Variants in PTPRN2 observed in about 807,000 individuals in gnomAD.
PTPRN2 encodes receptor-type tyrosine-protein phosphatase N2.
PTPRN2 carries 74 observed loss-of-function variants against 118.8 expected under a neutral mutation model. That is an observed-to-expected ratio of 0.62 (90% confidence interval 0.52 to 0.76). The LOEUF is 0.76. Among genes scored for constraint, PTPRN2 ranks in the 30% least tolerant of loss-of-function variants. PTPRN2 has a pLI of 0.00. For missense variants in PTPRN2, 1,481 were observed against 1,394.4 expected, an observed-to-expected ratio of 1.06 and a Z score of -0.99; for synonymous variants, 641 against 608.0, an observed-to-expected ratio of 1.05 and a Z score of -0.80.
chr7:157,840,615 C>T (rs949059808), intron 12 of PTPRN2, among the ~76,000 whole-genome samples: 2 of 152,174 alleles, frequency 1.3e-5, no homozygotes, highest in Non-Finnish European at 2.9e-5. Flanking sequence ...GAGCAGGCCC[C>T]GTGTTGGGGG....
At chr7:157,802,939 G>A (rs990289628) in intron 12 of PTPRN2, among the ~76,000 whole-genome samples, 1 of 152,122 alleles carries the variant, frequency 6.6e-6, no homozygotes, top group Non-Finnish European at 1.5e-5. Context: ...CTATTGAATT[G>A]TAGGAAGTCC....
intron 5 of PTPRN2, among the ~76,000 whole-genome samples, chr7:158,170,289 C>T (rs975157025): frequency 2.6e-5 from 4 of 152,162 alleles, no homozygotes; most frequent in African/African-American, 9.7e-5. Flanking sequence ...GGTCAGCCAC[C>T]GTGCTGGGGG....
At chr7:158,171,320 T>TATATATATACATAC (rs1823666030) in intron 5 of PTPRN2, among the ~76,000 whole-genome samples, 1 of 93,506 alleles carries the variant, frequency 1.1e-5, no homozygotes, top group Non-Finnish European at 2.2e-5. Context: ...TATATATATA[T>TATATATATACATAC]ATATATATAT....
chr7:158,087,489 A>G (rs1263828969), intron 10 of PTPRN2, among the ~76,000 whole-genome samples: 1 of 152,254 alleles, frequency 6.6e-6, no homozygotes, highest in African/African-American at 2.4e-5. Context: ...ACCTTTTGAC[A>G]GTCAAATTCA....
intron 6 of PTPRN2, among the ~76,000 whole-genome samples, chr7:158,151,575 G>T (rs192302934): frequency 4.0e-5 from 6 of 151,778 alleles, no homozygotes; most frequent in Admixed American, 2.6e-4. Flanking sequence ...GTGGTGGGGT[G>T]GTGGTGGTGG....
chr7:157,818,852 C>T (rs998333488), intron 12 of PTPRN2, among the ~76,000 whole-genome samples: 1 of 152,108 alleles, frequency 6.6e-6, no homozygotes, highest in Non-Finnish European at 1.5e-5. Context: ...CAGCCACAAA[C>T]AGGAGAAGCT....
At chr7:158,566,357 A>C (rs1267517461) in intron 1 of PTPRN2, among the ~76,000 whole-genome samples, 1 of 151,976 alleles carries the variant, frequency 6.6e-6, no homozygotes, top group African/African-American at 2.4e-5. Flanking sequence ...TGTCTCAAAA[A>C]AAAAAAAAGA....
At chr7:157,898,870 C>A in intron 11 of PTPRN2, 133 bp from the exon 12 acceptor site, 1 of 775,538 alleles carries the variant, frequency 1.3e-6, no homozygotes, top group Non-Finnish European at 2.2e-6. Context: ...ATGGAAGGGT[C>A]ATGAACAGGC....
intron 1 of PTPRN2, among the ~76,000 whole-genome samples, chr7:158,554,246 A>G (rs138326626): frequency 0.012 from 1,812 of 152,286 alleles, 41 homozygotes; most frequent in African/African-American, 0.041. Context: ...GCCTGGGCGA[A>G]AGAGTGAGAC....
At chr7:158,151,827 C>T (rs1364791695) in intron 6 of PTPRN2, among the ~76,000 whole-genome samples, 1 of 152,194 alleles carries the variant, frequency 6.6e-6, no homozygotes, top group African/African-American at 2.4e-5. Flanking sequence ...TGAGCAAAGT[C>T]CTTGCTTTTG....
intron 11 of PTPRN2, among the ~76,000 whole-genome samples, chr7:158,072,959 A>T (rs572370655): frequency 6.6e-6 from 1 of 152,294 alleles, no homozygotes; most frequent in African/African-American, 2.4e-5. Flanking sequence ...AGAGCAGGAG[A>T]AACCCTCTGC....
At chr7:157,853,914 G>A (rs117179320) in intron 12 of PTPRN2, among the ~76,000 whole-genome samples, 4,171 of 152,290 alleles carry the variant, frequency 0.027, 87 homozygotes, top group Non-Finnish European at 0.044. Context: ...TATCAAAGGC[G>A]GAGATGCGGA....
chr7:158,527,253 G>A (rs572350095), intron 1 of PTPRN2, among the ~76,000 whole-genome samples: 28 of 151,820 alleles, frequency 1.8e-4, no homozygotes, highest in Non-Finnish European at 3.4e-4. Context: ...AGCTCCCCAG[G>A]CCTCCTCCCC....
intron 10 of PTPRN2, among the ~76,000 whole-genome samples, chr7:158,082,144 G>A (rs1812891479): frequency 1.3e-5 from 2 of 152,114 alleles, no homozygotes; most frequent in Non-Finnish European, 2.9e-5. Flanking sequence ...GAACAGACAG[G>A]AAATGCGAAG....
chr7:158,216,004 CAATT>C (rs1827930595), intron 3 of PTPRN2, among the ~76,000 whole-genome samples: 1 of 151,874 alleles, frequency 6.6e-6, no homozygotes, highest in Admixed American at 6.6e-5. Context: ...CTTGACAGTT[CAATT>C]AAACACCATA....
At position 157,787,374 on chromosome 7, in the gene PTPRN2, G is replaced by A. The variant is rs1337693510; in HGVS notation, c.1789-104437C>T. Among the ~76,000 whole-genome samples the A allele has an allele frequency of 2.0e-5, 3 of 152,172 alleles. No homozygotes were observed. Among genetic ancestry groups the A allele is most frequent in the Admixed American group, 6.5e-5 (1 of 15,288 alleles). On this transcript the variant is annotated intron_variant, in intron 12 of 22. Transcript: ENST00000389418. The surrounding 1 kb of genome is among the most constrained non-coding windows in gnomAD (Gnocchi z 5.3). ...GACAGGAGGGGGTCTGGCCTCTGCT[G>A]GGAGTGACATCTGAAGATGCCATAG... is the stretch of plus-strand genomic sequence containing the variant.
chr7:158,311,764 A>G (rs912167232), intron 3 of PTPRN2, among the ~76,000 whole-genome samples: 2 of 152,262 alleles, frequency 1.3e-5, no homozygotes, highest in Non-Finnish European at 2.9e-5. Flanking sequence ...TTACCAAGAC[A>G]GAATCATTTC....
chr7:158,336,491 C>T (rs1387281200), intron 2 of PTPRN2, among the ~76,000 whole-genome samples: 2 of 134,544 alleles, frequency 1.5e-5, no homozygotes, highest in African/African-American at 5.4e-5. Flanking sequence ...AGCTGACGCC[C>T]GCAGATGTCA....
At chr7:158,278,917 A>G (rs1253075660) in intron 3 of PTPRN2, among the ~76,000 whole-genome samples, 2 of 152,098 alleles carry the variant, frequency 1.3e-5, no homozygotes, top group Non-Finnish European at 2.9e-5. Flanking sequence ...TCATAAAGGT[A>G]GCATATCCGG....
Sources: gnomAD v4.1 joint callset for allele counts (sites outside exome capture counted in the v4.1 genomes callset) on GRCh38, gnomAD v4.1.1 for gene constraint, Gnocchi (gnomAD v3.1) non-coding constraint, MANE v1.5 for transcripts, NCBI Gene and HGNC (gene_info 2026-07-23, HGNC 2026-07-21) for gene names.